The following ZFHX3 variants were observed in gnomAD, a reference collection of about 807,000 sequenced individuals.
ZFHX3 encodes the protein zinc finger homeobox 3, also known as zinc finger homeobox protein 3.
Under a neutral mutation model 279.1 loss-of-function variants are expected in ZFHX3, and 42 were observed. The ratio of observed to expected loss-of-function variants is 0.15; its 90% CI spans 0.12 to 0.19. ZFHX3 has a LOEUF of 0.19. Among genes scored for constraint, ZFHX3 ranks in the 10% least tolerant of loss-of-function variants. The pLI, the probability that ZFHX3 is intolerant of heterozygous loss-of-function variation, is 1.00. For missense variants in ZFHX3, 4,981 were observed against 4,754.0 expected, an observed-to-expected ratio of 1.05 and a Z score of -1.40; for synonymous variants, 2,293 against 1,957.8, an observed-to-expected ratio of 1.17 and a Z score of -4.52.
intron 8 of ZFHX3, among the ~76,000 whole-genome samples, chr16:73,076,776 C>G (rs1965889978): frequency 6.6e-6 from 1 of 152,136 alleles, no homozygotes; most frequent in Admixed American, 6.6e-5. Flanking sequence ...CCGATCCTGT[C>G]AGGAATTTCT....
intron 3 of ZFHX3, among the ~76,000 whole-genome samples, chr16:73,337,049 T>C (rs2015927270): frequency 6.6e-6 from 1 of 152,148 alleles, no homozygotes; most frequent in African/African-American, 2.4e-5. Flanking sequence ...CTCCCAAAAG[T>C]GAGGCATAAT....
At chr16:73,217,220 G>A (rs2012244365) in intron 5 of ZFHX3, among the ~76,000 whole-genome samples, 1 of 152,124 alleles carries the variant, frequency 6.6e-6, no homozygotes, top group Admixed American at 6.5e-5. Context: ...CATTTCCAGG[G>A]GATTTGCTAA....
chr16:73,445,662 C>T (rs1424009), intron 3 of ZFHX3, among the ~76,000 whole-genome samples: 115,782 of 152,066 alleles, frequency 0.76, 44,467 homozygotes, highest in Non-Finnish European at 0.83. Flanking sequence ...GATTTGATCA[C>T]TTCAGGTCAC....
At chr16:73,642,900 G>T (rs1200519628) in intron 2 of ZFHX3, among the ~76,000 whole-genome samples, 1 of 152,214 alleles carries the variant, frequency 6.6e-6, no homozygotes, top group Admixed American at 6.5e-5. Flanking sequence ...CGGCAAGACA[G>T]TAACAGCCCA....
chr16:73,507,098 C>G (rs1254934548), intron 2 of ZFHX3, among the ~76,000 whole-genome samples: 1 of 152,174 alleles, frequency 6.6e-6, no homozygotes, highest in Admixed American at 6.5e-5. Context: ...AATACCCAGT[C>G]CAGTTTTAGC....
intron 3 of ZFHX3, among the ~76,000 whole-genome samples, chr16:72,904,545 CA>C (rs1248452502): frequency 5.3e-5 from 8 of 152,068 alleles, no homozygotes; most frequent in Non-Finnish European, 1.2e-4. Context: ...TCCCCCATCT[CA>C]GATTTCAATC....
At chr16:73,863,063 G>A (rs1961923084) in intron 1 of ZFHX3, among the ~76,000 whole-genome samples, 2 of 151,984 alleles carry the variant, frequency 1.3e-5, no homozygotes, top group Admixed American at 1.3e-4. Context: ...CAAATTAGCT[G>A]GGCGTGGTGG....
intron 2 of ZFHX3, chr16:73,543,905 A>AGAGAGAGAGAGAGAGAGAGAGAGAGAGG (rs1555523944): frequency 2.0e-5 from 3 of 151,518 alleles, no homozygotes; most frequent in African/African-American, 7.3e-5. Flanking sequence ...AGAGAGAGAG[A>AGAGAGAGAGAGAGAGAGAGAGAGAGAGG]GAGAGACAGA....
At chr16:73,887,969 G>A (rs1478666921) in intron 1 of ZFHX3, among the ~76,000 whole-genome samples, 1 of 152,124 alleles carries the variant, frequency 6.6e-6, no homozygotes, top group African/African-American at 2.4e-5. Flanking sequence ...ACTCCCAGCT[G>A]GGAGGAACGG....
intron 2 of ZFHX3, among the ~76,000 whole-genome samples, chr16:73,621,259 T>A (rs1017372295): frequency 9.2e-5 from 14 of 152,202 alleles, no homozygotes; most frequent in African/African-American, 3.1e-4. Context: ...CTCCCCCATT[T>A]AAAATTTGCC....
intron 3 of ZFHX3, among the ~76,000 whole-genome samples, chr16:73,416,168 CAG>C (rs1276853527): frequency 6.2e-5 from 9 of 144,374 alleles, no homozygotes; most frequent in East Asian, 2.0e-4. Context: ...AAACAAAAAA[CAG>C]AGAGAAAACA....
At chr16:73,541,166 G>C (rs2020003574) in intron 2 of ZFHX3, among the ~76,000 whole-genome samples, 6 of 152,176 alleles carry the variant, frequency 3.9e-5, no homozygotes, top group Admixed American at 3.3e-4. Context: ...ATTCATGTGA[G>C]ATTTGATGTG....
At chr16:73,378,641 C>T (rs1303851680) in intron 3 of ZFHX3, among the ~76,000 whole-genome samples, 2 of 152,214 alleles carry the variant, frequency 1.3e-5, no homozygotes, top group Non-Finnish European at 2.9e-5. Flanking sequence ...GGTTGATCTG[C>T]ACCAAACTAA....
intron 3 of ZFHX3, among the ~76,000 whole-genome samples, chr16:72,907,547 G>T (rs1312733829): frequency 2.7e-3 from 44 of 16,294 alleles, no homozygotes; most frequent in African/African-American, 6.4e-3. Context: ...TCCTCTATTT[G>T]TGTGTGTGTG....
At chr16:73,664,487 C>G (rs904638938) in intron 2 of ZFHX3, among the ~76,000 whole-genome samples, 1 of 152,178 alleles carries the variant, frequency 6.6e-6, no homozygotes, top group Non-Finnish European at 1.5e-5. Flanking sequence ...TTTTATAATG[C>G]TAGTCCCTGA....
chr16:73,729,607 A>G (rs2053552019), intron 1 of ZFHX3, among the ~76,000 whole-genome samples: 1 of 152,180 alleles, frequency 6.6e-6, no homozygotes, highest in East Asian at 1.9e-4. Context: ...CTTACATCAA[A>G]TCCTTGCCCT....
chr16:73,697,104 T>C (rs957094875), intron 1 of ZFHX3, among the ~76,000 whole-genome samples: 5 of 152,196 alleles, frequency 3.3e-5, no homozygotes, highest in African/African-American at 1.2e-4. Flanking sequence ...GGAAAAAATA[T>C]TTTAAGTGAA....
intron 8 of ZFHX3, among the ~76,000 whole-genome samples, chr16:73,085,537 C>T (rs1966001288): frequency 6.6e-6 from 1 of 152,194 alleles, no homozygotes; most frequent in African/African-American, 2.4e-5. Flanking sequence ...TGAACCACCA[C>T]TCCTGGGCTA....
chr16:73,478,192 G>C (rs930022479), intron 2 of ZFHX3, among the ~76,000 whole-genome samples: 9 of 151,356 alleles, frequency 5.9e-5, no homozygotes, highest in Admixed American at 1.3e-4. Flanking sequence ...CTTGAATCCA[G>C]GAGGCGGAGG....
Sources: gnomAD v4.1 joint callset for allele counts (sites outside exome capture counted in the v4.1 genomes callset) on GRCh38, gnomAD v4.1.1 for gene constraint, MANE v1.5 for transcripts, NCBI Gene and HGNC (gene_info 2026-07-23, HGNC 2026-07-21) for gene names.